Variants in KIAA0586 observed in about 807,000 individuals in gnomAD.
The protein encoded by KIAA0586 is protein TALPID3.
Under a neutral mutation model 169.8 loss-of-function variants are expected in KIAA0586, and 144 were observed. That is an observed-to-expected ratio of 0.85 (90% CI 0.74 to 0.97). The LOEUF (loss-of-function observed/expected upper bound fraction) is 0.97. KIAA0586 is among the 50% of genes least tolerant of loss of function. KIAA0586 has a pLI of 0.00. For synonymous variants in KIAA0586, 625 were observed against 612.4 expected, an observed-to-expected ratio of 1.02 and a Z score of -0.30; for missense variants, 1,854 against 1,823.0, an observed-to-expected ratio of 1.02 and a Z score of -0.31.
intron 29 of KIAA0586, among the ~76,000 whole-genome samples, chr14:58,535,759 T>C (rs2046247184): frequency 6.6e-6 from 1 of 151,956 alleles, no homozygotes; most frequent in African/African-American, 2.4e-5. Flanking sequence ...TCCTGACTGT[T>C]ACTAATTTTA....
chr14:58,476,005 G>A (rs1056611606), intron 19 of KIAA0586, among the ~76,000 whole-genome samples: 1 of 152,188 alleles, frequency 6.6e-6, no homozygotes, highest in Non-Finnish European at 1.5e-5. Flanking sequence ...GACTGAGACA[G>A]GAGAATCGCT....
chr14:58,463,125 AT>A (rs1411555185), intron 14 of KIAA0586, among the ~76,000 whole-genome samples: 1 of 7,518 alleles, frequency 1.3e-4, no homozygotes, highest in Non-Finnish European at 1.5e-3. Flanking sequence ...AGACACTTGC[AT>A]GGTTCTCTCT....
In KIAA0586 at chr14:58,515,934, C is replaced by A. The variant is rs555710896; in HGVS notation, c.4429+3307C>A. 6.6e-5 allele frequency among the ~76,000 whole-genome samples: 10 copies of A among 151,702 alleles called. 1 individual carries two copies. The highest frequency in any genetic ancestry group is 1.3e-4 in the Non-Finnish European group (9 of 68,010). On this transcript the variant is annotated intron_variant, in intron 29 of 30. Transcript: ENST00000652326. ...CAAAATCATTAACATTTCTTGAACCCATCAGAGAGCTTCTGATGCAGAGCA... is the reference window on the plus strand; with the variant it reads ...CAAAATCATTAACATTTCTTGAACCAATCAGAGAGCTTCTGATGCAGAGCA...
At chr14:58,481,192 C>T (rs2042009713) in intron 20 of KIAA0586, among the ~76,000 whole-genome samples, 1 of 152,208 alleles carries the variant, frequency 6.6e-6, no homozygotes, top group South Asian at 2.1e-4. Context: ...TTAGGGAATT[C>T]TGGATATTGT....
Position 58,451,179 on chromosome 14 carries a change from C to T in KIAA0586, c.1129+433C>T, listed in dbSNP as rs150865898. Among the ~76,000 whole-genome samples, 443 of 151,622 alleles carry T rather than the reference C, an allele frequency of 2.9e-3. 4 individuals are homozygous for T. Among genetic ancestry groups the T allele is most frequent in the African/African-American group, 0.01 (417 of 41,376 alleles). ...AAATTTTTTGTATTTTTAGTAAAGGCGGGGTTTCACCGTGTTAGCCAGGAT... is the reference window on the plus strand; with the variant it reads ...AAATTTTTTGTATTTTTAGTAAAGGTGGGGTTTCACCGTGTTAGCCAGGAT... On this transcript the variant is annotated intron_variant, in intron 8 of 30. Coordinates refer to ENST00000652326, the MANE Select transcript of KIAA0586 (RefSeq NM_001329943.3).
intron 29 of KIAA0586, among the ~76,000 whole-genome samples, chr14:58,539,559 T>C (rs1566959404): frequency 6.6e-6 from 1 of 152,152 alleles, no homozygotes; most frequent in Non-Finnish European, 1.5e-5. Flanking sequence ...CTCAGCCTAT[T>C]TTATCTCAAT....
chr14:58,497,535 C>CT (rs564784503), intron 26 of KIAA0586, among the ~76,000 whole-genome samples: 1,955 of 149,404 alleles, frequency 0.013, 36 homozygotes, highest in African/African-American at 0.046. Flanking sequence ...AATTTTTGTA[C>CT]TTTTTTTTTA....
Position 58,470,653 on chromosome 14 carries a change from G to C in KIAA0586, c.2483G>C (p.Ser828Thr), listed in dbSNP as rs2140986832. ...SVDIDSISNS[S>T]ADVLSPLSSP... is the part of the protein sequence containing the mutation. Reference sequence around the variant, plus strand: ...GATATTGACAGCATTTCAAATAGTAGTGCTGATGTCCTTTCACCTCTGTCT... The same window carrying C: ...GATATTGACAGCATTTCAAATAGTACTGCTGATGTCCTTTCACCTCTGTCT... Residue 828 changes from serine (S) to threonine (T), a missense_variant, in exon 17 of 31, where the codon AGT becomes ACT. Coordinates refer to ENST00000652326, the MANE Select transcript of KIAA0586 (RefSeq NM_001329943.3). 6.2e-7 allele frequency: 1 copy of C among 1,607,308 alleles called. No homozygotes were observed. The highest frequency in any genetic ancestry group is 2.2e-5 in the East Asian group (1 of 44,602).
intron 20 of KIAA0586, 37 bp downstream of exon 20, chr14:58,477,278 A>T (rs1419650552): frequency 9.1e-7 from 1 of 1,101,676 alleles, no homozygotes; most frequent in Non-Finnish European, 1.3e-6. Flanking sequence ...TTTTATTAAA[A>T]GACAAAAGCT....
Position 58,547,766 on chromosome 14 carries a change from T to G in KIAA0586, c.4496-15T>G, listed in dbSNP as rs1217128187. ...GTTACGCATGTTGAGCTGAATGAGC[T>G]TCTCCTTTGTGCAGGTGGGAAAGCA... is the stretch of plus-strand genomic sequence containing the variant. On this transcript the variant is annotated splice_polypyrimidine_tract_variant and intron_variant, in intron 30 of 30. Transcript: ENST00000652326. 3 of 1,607,666 alleles carry G rather than the reference T, an allele frequency of 1.9e-6. No homozygotes were observed.
chr14:58,535,375 C>G (rs1486203948), intron 29 of KIAA0586, among the ~76,000 whole-genome samples: 5 of 150,356 alleles, frequency 3.3e-5, no homozygotes, highest in Non-Finnish European at 7.5e-5. Flanking sequence ...GGCACTCTCT[C>G]TGTCATAACA....
intron 29 of KIAA0586, among the ~76,000 whole-genome samples, chr14:58,528,717 A>C (rs2139978929): frequency 6.6e-6 from 1 of 152,342 alleles, no homozygotes; most frequent in East Asian, 1.9e-4. Context: ...GTGTAGAGGG[A>C]AATTTCTAAC....
chr14:58,444,338 T>C (rs1472362979), intron 6 of KIAA0586, among the ~76,000 whole-genome samples, 163 bp downstream of exon 6: 5 of 152,236 alleles, frequency 3.3e-5, no homozygotes. Context: ...TAACTCTGAA[T>C]GTTATATCTC....
intron 29 of KIAA0586, 80 bp downstream of exon 29, chr14:58,512,707 T>G: frequency 1.3e-6 from 1 of 788,898 alleles, no homozygotes; most frequent in Non-Finnish European, 2.0e-6. Flanking sequence ...TCTTTACTTT[T>G]TATACATCCC....
intron 27 of KIAA0586, 50 bp downstream of exon 27, chr14:58,499,010 C>T (rs1214697618): frequency 6.9e-7 from 1 of 1,458,858 alleles, no homozygotes; most frequent in South Asian, 1.4e-5. Context: ...TATCCCTAAT[C>T]TGAGTTGAGG....
intron 29 of KIAA0586, 26 bp downstream of exon 29, chr14:58,512,653 A>G (rs760941885): frequency 8.5e-7 from 1 of 1,175,044 alleles, no homozygotes; most frequent in East Asian, 2.8e-5. Flanking sequence ...ATGTAATAAT[A>G]CAATAGTTTG....
Position 58,488,609 on chromosome 14 carries a change from T to G in KIAA0586, c.3528-12T>G, listed in dbSNP as rs553895000. The G allele has an allele frequency of 1.5e-4, 249 of 1,613,002 alleles. 3 individuals are homozygous for G. The highest frequency in any genetic ancestry group is 4.0e-4 in the South Asian group (36 of 91,004). ...GACCTAACAAGCTCCAAATATGTCTTTATTTTCTTAGTGTAATGTCTGTGG... is the reference window on the plus strand; with the variant it reads ...GACCTAACAAGCTCCAAATATGTCTGTATTTTCTTAGTGTAATGTCTGTGG... On this transcript the variant is annotated splice_polypyrimidine_tract_variant and intron_variant, in intron 23 of 30. Coordinates refer to ENST00000652326, the MANE Select transcript of KIAA0586 (RefSeq NM_001329943.3).
At chr14:58,523,032 T>G (rs2045333167) in intron 29 of KIAA0586, among the ~76,000 whole-genome samples, 1 of 152,050 alleles carries the variant, frequency 6.6e-6, no homozygotes, top group African/African-American at 2.4e-5. Flanking sequence ...TATATGCATA[T>G]CTATATATAA....
rs2040897070 is a variant in KIAA0586, at chr14:58,467,909, A to G, written c.2429A>G (p.Gln810Arg). ...AAGTCAGAAAAAAAGGATCCTCCTC[A>G]GCTTACTGTGCAGGTATGCCAGGGT... ...EMKSEKKDPP[Q>R]LTVQVLPSVD... Residue 810 changes from glutamine (Q) to arginine (R), a missense_variant, in exon 16 of 31, where the codon CAG becomes CGG. Physicochemically the swap from Gln to Arg is conservative, Grantham distance 43 (BLOSUM62 1). Transcript: ENST00000652326. 2 of 1,612,420 alleles carry G rather than the reference A, an allele frequency of 1.2e-6. No individual in the cohort carries two copies. Among genetic ancestry groups the G allele is most frequent in the Non-Finnish European group, 1.7e-6 (2 of 1,179,266 alleles).
Sources: allele counts gnomAD v4.1 joint callset (sites outside exome capture counted in the v4.1 genomes callset), GRCh38; gene constraint gnomAD v4.1.1; transcripts MANE v1.5; gene names NCBI Gene and HGNC (gene_info 2026-07-23, HGNC 2026-07-21).